The following ZBBX variants were observed in gnomAD, a reference collection of about 807,000 sequenced individuals.
The protein encoded by ZBBX is zinc finger B-box domain-containing protein 1.
A neutral mutation model predicts 108.5 loss-of-function variants in ZBBX; 101 were observed. The ratio of observed to expected loss-of-function variants is 0.93; its 90% confidence interval spans 0.79 to 1.10. The LOEUF is 1.10. Ranked by LOEUF, ZBBX falls within the 50% of genes least tolerant of loss-of-function variation. ZBBX has a pLI of 0.00. For synonymous variants in ZBBX, 356 were observed against 323.4 expected, an observed-to-expected ratio of 1.10 and a Z score of -1.08; for missense variants, 1,009 against 941.4, an observed-to-expected ratio of 1.07 and a Z score of -0.94.
At chr3:167,397,664 T>C (rs994975329) in intron 1 of ZBBX, among the ~76,000 whole-genome samples, 1 of 151,842 alleles carries the variant, frequency 6.6e-6, no homozygotes, top group Non-Finnish European at 1.5e-5. Context: ...GGAGAGAGCC[T>C]TTTATGCTGA....
chr3:167,292,107 G>A (rs1730795586), intron 18 of ZBBX, among the ~76,000 whole-genome samples: 2 of 151,948 alleles, frequency 1.3e-5, no homozygotes, highest in Admixed American at 1.3e-4. Flanking sequence ...ATAATAGTGG[G>A]AGACTTTAAC....
chr3:167,239,612 T>C (rs1342464212), downstream of ZBBX, among the ~76,000 whole-genome samples: 2 of 152,130 alleles, frequency 1.3e-5, no homozygotes, highest in African/African-American at 4.8e-5. Flanking sequence ...ATAATACATA[T>C]AACATACAAA....
At chr3:167,277,148 A>C (rs1047575024) in intron 20 of ZBBX, among the ~76,000 whole-genome samples, 1 of 152,114 alleles carries the variant, frequency 6.6e-6, no homozygotes, top group African/African-American at 2.4e-5. Context: ...TCATGCTAAA[A>C]TGTAAAGACC....
In ZBBX at chr3:167,242,635, C is replaced by T. The variant is rs776179745; in HGVS notation, c.2263G>A (p.Glu755Lys). The T allele has an allele frequency of 1.9e-6, 3 of 1,609,640 alleles. 1 individual carries two copies. In the South Asian group the frequency reaches 3.3e-5, roughly 18 times the overall value. Residue 755 changes from glutamate (E) to lysine (K), a missense_variant, in exon 21 of 22, where the codon GAA becomes AAA. By Grantham distance (56) the Glu-to-Lys change is moderately conservative. Coordinates refer to ENST00000675490, the MANE Select transcript of ZBBX (RefSeq NM_001199201.2). ...QVLRSLADTS[E>K]KLYSLTSEEF... is the part of the protein sequence containing the mutation. ...TCTGAGGTTAAGCTGTAAAGCTTTT[C>T]TGAAGTATCTGAAATATTTTATTTC... is the stretch of plus-strand genomic sequence containing the variant.
intron 3 of ZBBX, among the ~76,000 whole-genome samples, chr3:167,373,294 C>A (rs1746445000): frequency 6.6e-6 from 1 of 152,068 alleles, no homozygotes; most frequent in Non-Finnish European, 1.5e-5. Flanking sequence ...ATATAAGGAA[C>A]CTGAGCATCC....
At chr3:167,298,281 T>G in intron 18 of ZBBX, 24 bp downstream of exon 18, 2 of 1,575,620 alleles carry the variant, frequency 1.3e-6, no homozygotes, top group Non-Finnish European at 1.7e-6. Context: ...CAGACTGTTT[T>G]AGAAAAATGA....
At chr3:167,355,563 A>T (rs993541711) in intron 8 of ZBBX, among the ~76,000 whole-genome samples, 12 of 151,602 alleles carry the variant, frequency 7.9e-5, no homozygotes, top group Non-Finnish European at 1.5e-4. Flanking sequence ...ACATAGATAT[A>T]TATATCCTTT....
chr3:167,394,894 T>C (rs957489158), intron 1 of ZBBX, among the ~76,000 whole-genome samples: 1 of 152,052 alleles, frequency 6.6e-6, no homozygotes, highest in Non-Finnish European at 1.5e-5. Context: ...GGTCCAATCA[T>C]CATATATGGA....
chr3:167,353,513 G>T (rs1291494237), intron 8 of ZBBX, among the ~76,000 whole-genome samples: 1 of 151,974 alleles, frequency 6.6e-6, no homozygotes, highest in Non-Finnish European at 1.5e-5. Flanking sequence ...TTGGAAGGGT[G>T]GGAAAGGGGT....
At chr3:167,215,429 G>A in the ZBBX span, among the ~76,000 whole-genome samples, 2 of 152,032 alleles carry the variant, frequency 1.3e-5, no homozygotes, top group South Asian at 4.1e-4. Context: ...ACTGAGCCAG[G>A]AAGAAATTAA....
In ZBBX at chr3:167,361,600, T is replaced by C. The variant is rs139814679; in HGVS notation, c.274-877A>G. Among the ~76,000 whole-genome samples, 238 of 152,286 alleles carry C rather than the reference T, an allele frequency of 1.6e-3. 1 individual carries two copies. Among genetic ancestry groups the C allele is most frequent in the African/African-American group, 5.4e-3 (226 of 41,582 alleles). ...TAGGCCTAATTATTCTCAGTGAATC[T>C]AGTGGTTTTGCTTCAAAGGGGCAGT... On this transcript the variant is annotated intron_variant, in intron 6 of 21. Transcript: ENST00000675490.
intron 1 of ZBBX, among the ~76,000 whole-genome samples, chr3:167,405,797 C>T (rs1006963398): frequency 1.3e-5 from 2 of 152,234 alleles, no homozygotes; most frequent in African/African-American, 4.8e-5. Flanking sequence ...ACAGGCCGAG[C>T]GTGGTGGCTG....
chr3:167,188,596 A>G, the ZBBX span, among the ~76,000 whole-genome samples: 1 of 152,232 alleles, frequency 6.6e-6, no homozygotes, highest in African/African-American at 2.4e-5. Context: ...AGTGAGACAC[A>G]CATCTAATAT....
intron 1 of ZBBX, among the ~76,000 whole-genome samples, chr3:167,398,234 G>A (rs974754386): frequency 6.6e-5 from 10 of 151,998 alleles, no homozygotes; most frequent in African/African-American, 2.2e-4. Flanking sequence ...GTGTCAGAAC[G>A]TCTTACCCAT....
chr3:167,265,003 C>A (rs995883044), intron 20 of ZBBX, among the ~76,000 whole-genome samples: 2 of 152,232 alleles, frequency 1.3e-5, no homozygotes, highest in African/African-American at 4.8e-5. Context: ...CAGGCCAAGT[C>A]TAGAAATACT....
At chr3:167,375,083 G>A (rs1316347476) in intron 2 of ZBBX, among the ~76,000 whole-genome samples, 1 of 152,164 alleles carries the variant, frequency 6.6e-6, no homozygotes, top group Non-Finnish European at 1.5e-5. Flanking sequence ...GGATTTAGCA[G>A]GGAAAACGTA....
At chr3:167,239,007 C>T (rs1167828687), downstream of ZBBX, among the ~76,000 whole-genome samples, 2 of 152,004 alleles carry the variant, frequency 1.3e-5, no homozygotes, top group Admixed American at 1.3e-4. Flanking sequence ...TATCTATCTA[C>T]CTATCTATCA....
intron 3 of ZBBX, 70 bp downstream of exon 3, chr3:167,373,636 C>CT (rs1036797879): frequency 3.9e-5 from 6 of 152,168 alleles, no homozygotes; most frequent in African/African-American, 1.2e-4. Context: ...ATACTATATT[C>CT]TTTTAAAAAG....
the ZBBX span, among the ~76,000 whole-genome samples, chr3:167,228,001 G>A: frequency 1.3e-5 from 2 of 151,638 alleles, no homozygotes; most frequent in Non-Finnish European, 2.9e-5. Context: ...TTCCACTCAA[G>A]GGAATATATC....
Sources: allele counts gnomAD v4.1 joint callset (sites outside exome capture counted in the v4.1 genomes callset), GRCh38; gene constraint gnomAD v4.1.1; transcripts MANE v1.5; gene names NCBI Gene and HGNC (gene_info 2026-07-23, HGNC 2026-07-21).